Variants in TXLNG observed in about 807,000 individuals in gnomAD.
The protein encoded by TXLNG is gamma-taxilin.
In TXLNG, 5 loss-of-function variants were observed where a neutral mutation model predicts 38.8. That is an observed-to-expected ratio of 0.13 (90% CI 0.07 to 0.27). The LOEUF is 0.27. Ranked by LOEUF, TXLNG falls within the 10% of genes least tolerant of loss-of-function variation. The pLI is 1.00. For synonymous variants in TXLNG, 182 were observed against 158.2 expected (o/e 1.15, Z -1.13); for missense variants, 393 against 398.2 (o/e 0.99, Z 0.11).
intron 3 of TXLNG, among the ~76,000 whole-genome samples, chrX:16,825,007 TCAAG>T (rs1244785472): frequency 9.1e-6 from 1 of 110,126 alleles, no homozygotes; most frequent in Non-Finnish European, 1.9e-5. Context: ...CGATTTAGTA[TCAAG>T]AATATCTAAA....
Position 16,818,833 on chromosome X carries a change from G to T in TXLNG, c.362G>T (p.Gly121Val). The T allele has an allele frequency of 5.8e-6, 7 of 1,210,900 alleles. No homozygotes were observed. Among genetic ancestry groups the T allele is most frequent in the Non-Finnish European group, 7.8e-6 (7 of 895,072 alleles). ...GGEARTDPPD[G>V]QQDSECNRNK... is the part of the protein sequence containing the mutation. ...GAAGCTCGAACAGATCCCCCTGATGGTCAGCAAGATTCAGAGTGCAACAGG... is the reference window on the plus strand; with the variant it reads ...GAAGCTCGAACAGATCCCCCTGATGTTCAGCAAGATTCAGAGTGCAACAGG... The change falls in exon 2 of 10, where the codon GGT becomes GTT. Residue 121 changes from glycine to valine, a missense_variant. By Grantham distance (109) the Gly-to-Val change is moderately radical. Transcript: ENST00000380122.
intron 3 of TXLNG, among the ~76,000 whole-genome samples, chrX:16,826,272 CAA>C (rs1385489234): frequency 2.7e-5 from 3 of 111,685 alleles, no homozygotes; most frequent in Admixed American, 9.5e-5. Context: ...TATGCAAAAA[CAA>C]TGATTTTTTT....
chrX:16,814,646 C>T (rs1347659444), intron 1 of TXLNG, among the ~76,000 whole-genome samples: 1 of 111,077 alleles, frequency 9.0e-6, no homozygotes, highest in Non-Finnish European at 1.9e-5. Context: ...CAAAAGGCCA[C>T]ATATTGTATA....
chrX:16,801,769 G>T (rs1384841764), intron 1 of TXLNG, among the ~76,000 whole-genome samples: 1 of 110,407 alleles, frequency 9.1e-6, no homozygotes, highest in East Asian at 2.8e-4. Context: ...TTCTCCTGAA[G>T]CCCATGTCTT....
At chrX:16,802,633 C>G (rs756707040) in intron 1 of TXLNG, among the ~76,000 whole-genome samples, 1 of 110,980 alleles carries the variant, frequency 9.0e-6, no homozygotes. Context: ...TAAGGTATGA[C>G]CTCCTGCTGT....
chrX:16,815,829 T>A (rs1016728069), intron 1 of TXLNG, among the ~76,000 whole-genome samples: 28 of 104,519 alleles, frequency 2.7e-4, no homozygotes, highest in African/African-American at 8.2e-4. Context: ...CTGTCCGAAA[T>A]TTTTTTTTTT....
chrX:16,841,448 G>A lies in TXLNG; in HGVS notation c.1269G>A (p.Glu423=). The A allele has an allele frequency of 8.3e-7, 1 of 1,210,331 alleles. No homozygotes were observed. Among genetic ancestry groups the A allele is most frequent in the Non-Finnish European group, 1.1e-6 (1 of 894,699 alleles). Residue 423 remains glutamate, a synonymous_variant, in exon 10 of 10, where the codon GAG becomes GAA. Transcript: ENST00000380122. The stretch of plus-strand genomic sequence containing the variant: ...TACAGAAAACAGTCCGTGATAAAGA[G>A]TACAAGGCCCTTCAAATAAAACTGG... ...MAEEKTVRDK[E]YKALQIKLER... is the part of the protein sequence containing the mutation.
At position 16,841,430 on chromosome X, in the gene TXLNG, A is replaced by G; in HGVS notation, c.1251A>G (p.Lys417=). ...AGAAATCCTCTTTTTTCTTACAGAAAACAGTCCGTGATAAAGAGTACAAGG... is the reference window on the plus strand; with the variant it reads ...AGAAATCCTCTTTTTTCTTACAGAAGACAGTCCGTGATAAAGAGTACAAGG... ...NKALLQMAEE[K]TVRDKEYKAL... The change falls in exon 10 of 10, where the codon AAA becomes AAG. Residue 417 remains lysine, a splice_region_variant and synonymous_variant. Coordinates refer to ENST00000380122, the MANE Select transcript of TXLNG (RefSeq NM_018360.3). 8.4e-7 allele frequency: 1 copy of G among 1,185,600 alleles called. No homozygotes were observed. The highest frequency in any genetic ancestry group is 1.1e-6 in the Non-Finnish European group (1 of 883,742).
chrX:16,794,466 T>A (rs1457959506), intron 1 of TXLNG, among the ~76,000 whole-genome samples: 2 of 111,524 alleles, frequency 1.8e-5, no homozygotes, highest in African/African-American at 6.5e-5. Context: ...TGCTACAACT[T>A]CCTGCAACAG....
intron 1 of TXLNG, among the ~76,000 whole-genome samples, chrX:16,787,326 T>G (rs1212727438): frequency 4.5e-5 from 5 of 111,974 alleles, no homozygotes; most frequent in Non-Finnish European, 7.6e-5. Context: ...AGTTGGGATA[T>G]CGCATGATAG....
At chrX:16,840,543 G>A (rs976826492) in intron 9 of TXLNG, 49 of 567,954 alleles carry the variant, frequency 8.6e-5, no homozygotes, top group Admixed American at 1.8e-4. Context: ...GGAGGCCGAC[G>A]CAGGCGGATC....
At position 16,843,552 on chromosome X, in the gene TXLNG, G is replaced by T. The variant is rs1339003401; in HGVS notation, c.*1786G>T. 8.9e-6 allele frequency: 1 copy of T among 112,064 alleles called. No individual in the cohort carries two copies. The highest frequency in any genetic ancestry group is 1.9e-5 in the Non-Finnish European group (1 of 53,243). 9.2% of individuals were successfully genotyped at this position (112,064 alleles called of 1,213,427 possible). ...TTCCCTGGTGGTGGGGGGGAATGCAGGTATAGATCAGAAATATAATCCACC... is the reference window on the plus strand; with the variant it reads ...TTCCCTGGTGGTGGGGGGGAATGCATGTATAGATCAGAAATATAATCCACC... On this transcript the variant is annotated 3_prime_UTR_variant, in exon 10 of 10. Transcript: ENST00000380122.
chrX:16,829,326 A>T (rs1445063181), intron 4 of TXLNG, among the ~76,000 whole-genome samples: 1 of 111,400 alleles, frequency 9.0e-6, no homozygotes, highest in Non-Finnish European at 1.9e-5. Context: ...ATTGCAGTAG[A>T]GTGAATTGTA....
At chrX:16,836,497 G>A (rs964409040) in intron 7 of TXLNG, among the ~76,000 whole-genome samples, 7 of 112,312 alleles carry the variant, frequency 6.2e-5, no homozygotes, top group African/African-American at 1.6e-4. Flanking sequence ...CAGGGACCTC[G>A]TCTAGCCTAA....
At chrX:16,841,082 T>A (rs376118042) in intron 9 of TXLNG, among the ~76,000 whole-genome samples, 2 of 107,764 alleles carry the variant, frequency 1.9e-5, no homozygotes, top group Middle Eastern at 4.9e-3. Context: ...GTAGTCCCAG[T>A]TACTCGGGAT....
chrX:16,834,371 A>AG lies in TXLNG; in HGVS notation c.1059+18dup. ...CTAAAACAGCAGGTAACTTCACAGC[A>AG]GGGGATAGTACAATTTGTAAGAAAA... On this transcript the variant is annotated intron_variant, in intron 7 of 9. Coordinates refer to ENST00000380122, the MANE Select transcript of TXLNG (RefSeq NM_018360.3). 1 of 1,179,315 alleles carries AG rather than the reference A, an allele frequency of 8.5e-7. No individual in the cohort carries two copies. The highest frequency in any genetic ancestry group is 1.7e-5 in the African/African-American group (1 of 57,260).
chrX:16,797,611 A>C (rs1261355773), intron 1 of TXLNG, among the ~76,000 whole-genome samples: 2 of 112,524 alleles, frequency 1.8e-5, no homozygotes, highest in African/African-American at 3.2e-5. Flanking sequence ...GTCTTTCTGT[A>C]AGCATCTCAC....
At position 16,837,576 on chromosome X, in the gene TXLNG, T is replaced by C; in HGVS notation, c.1060-17T>C. ...TTTGCATGGAACTCAGAATGTTTCA[T>C]ACTTTTTTTCCTATAGCTTTCTCTT... On this transcript the variant is annotated splice_polypyrimidine_tract_variant and intron_variant, in intron 7 of 9. Transcript: ENST00000380122. The C allele has an allele frequency of 8.6e-6, 10 of 1,156,684 alleles. No homozygotes were observed. The highest frequency in any genetic ancestry group is 5.8e-6 in the Non-Finnish European group (5 of 856,722).
chrX:16,813,188 A>G (rs1474209380), intron 1 of TXLNG, among the ~76,000 whole-genome samples: 1 of 111,973 alleles, frequency 8.9e-6, no homozygotes, highest in Non-Finnish European at 1.9e-5. Context: ...AGGCACGTGA[A>G]AAGATGTTCA....
Sources: gnomAD v4.1 joint callset for allele counts (sites outside exome capture counted in the v4.1 genomes callset) on GRCh38, gnomAD v4.1.1 for gene constraint, MANE v1.5 for transcripts, NCBI Gene and HGNC (gene_info 2026-07-23, HGNC 2026-07-21) for gene names.